Variants in DNA2 observed in about 807,000 individuals in gnomAD.
DNA2 encodes the protein DNA replication helicase/nuclease 2.
Under a neutral mutation model 119.1 loss-of-function variants are expected in DNA2, and 101 were observed. The observed-to-expected ratio is 0.85, with a 90% CI of 0.72 to 1.00. DNA2 has a LOEUF of 1.00. DNA2 is among the 50% of genes least tolerant of loss of function. The pLI is 0.00. For missense variants in DNA2, 1,121 were observed against 1,255.5 expected (o/e 0.89, Z 1.62); for synonymous variants, 366 against 424.4 (o/e 0.86, Z 1.69).
At position 68,414,858 on chromosome 10, in the gene DNA2, T is replaced by C. The variant is rs1265347856; in HGVS notation, c.*181A>G. 1 of 421,706 alleles carries C rather than the reference T, an allele frequency of 2.4e-6. No homozygotes were observed. The highest frequency in any genetic ancestry group is 4.3e-6 in the Non-Finnish European group (1 of 230,930). 26.1% of individuals were successfully genotyped at this position (421,706 alleles called of 1,614,324 possible). On this transcript the variant is annotated 3_prime_UTR_variant, in exon 21 of 21. Transcript: ENST00000358410. ...TGGTAAAAATTTATCAAACTCTTTC[T>C]CTAGGTTAGGCAAAAATGCATGCAT... is the stretch of plus-strand genomic sequence containing the variant.
intron 17 of DNA2, among the ~76,000 whole-genome samples, chr10:68,420,461 TG>T (rs1371618492): frequency 1.3e-5 from 2 of 152,148 alleles, no homozygotes; most frequent in African/African-American, 2.4e-5. Flanking sequence ...TGCTTGAATC[TG>T]GGAGTCGGAG....
chr10:68,460,484 T>C (rs909822216), intron 4 of DNA2, among the ~76,000 whole-genome samples: 1 of 151,754 alleles, frequency 6.6e-6, no homozygotes, highest in African/African-American at 2.4e-5. Flanking sequence ...CTCTACTCAC[T>C]GCAACGTTTG....
In DNA2 at chr10:68,471,940, G is replaced by A; in HGVS notation, c.-76C>T. 6.2e-7 allele frequency: 1 copy of A among 1,613,316 alleles called. No homozygotes were observed. Among genetic ancestry groups the A allele is most frequent in the Non-Finnish European group, 8.5e-7 (1 of 1,179,404 alleles). ...GGTAACACAGAAAGCTTAGAAAAGGGAAAAAGGCGCGAGCCTGCGCACCTC... is the reference window on the plus strand; with the variant it reads ...GGTAACACAGAAAGCTTAGAAAAGGAAAAAAGGCGCGAGCCTGCGCACCTC... On this transcript the variant is annotated 5_prime_UTR_variant, in exon 1 of 21. Transcript: ENST00000358410.
At chr10:68,460,990 G>A (rs1458673611) in intron 4 of DNA2, among the ~76,000 whole-genome samples, 1 of 151,878 alleles carries the variant, frequency 6.6e-6, no homozygotes, top group Non-Finnish European at 1.5e-5. Context: ...TCATACCATG[G>A]TCTAATTGGA....
chr10:68,442,836 G>T, intron 9 of DNA2, 81 bp downstream of exon 9: 1 of 1,162,260 alleles, frequency 8.6e-7, no homozygotes, highest in Non-Finnish European at 1.2e-6. Flanking sequence ...TTCATAACTT[G>T]TATTTGTCAT....
chr10:68,419,137 G>A lies in DNA2; in HGVS notation c.2864C>T (p.Ala955Val), dbSNP rs1417817363. 1 of 1,613,160 alleles carries A rather than the reference G, an allele frequency of 6.2e-7. No individual in the cohort carries two copies. The change falls in exon 19 of 21, where the codon GCA becomes GTA. Residue 955 changes from alanine (A) to valine (V), a missense_variant. By Grantham distance (64) the Ala-to-Val change is moderately conservative. Coordinates refer to ENST00000358410, the MANE Select transcript of DNA2 (RefSeq NM_001080449.3). ...QQLKIINDLLARSIGMVEVNT... is the reference protein window; with the variant it reads ...QQLKIINDLLVRSIGMVEVNT... ...AACTTCGACCATCCCAATAGAACGT[G>A]CCAATAAATCATTGATGATCTTTAA...
chr10:68,438,772 G>T lies in DNA2; in HGVS notation c.1416-1531C>A, dbSNP rs192602813. 1.2e-3 allele frequency among the ~76,000 whole-genome samples: 176 copies of T among 152,218 alleles called. 1 individual carries two copies. Among genetic ancestry groups the T allele is most frequent in the Non-Finnish European group, 1.9e-3 (130 of 68,010 alleles). On this transcript the variant is annotated intron_variant, in intron 9 of 20. Coordinates refer to ENST00000358410, the MANE Select transcript of DNA2 (RefSeq NM_001080449.3). ...TTCTGGGCCGGGCGCCGTGGCTCAT[G>T]CCTGTAATCCCAGCAATTTGGGAGG...
chr10:68,434,884 C>G (rs2051867771), intron 10 of DNA2, among the ~76,000 whole-genome samples: 1 of 152,166 alleles, frequency 6.6e-6, no homozygotes, highest in Non-Finnish European at 1.5e-5. Flanking sequence ...ATTTCCATTA[C>G]AGTTACTCAG....
At chr10:68,426,117 CAG>C (rs1201379427) in intron 14 of DNA2, among the ~76,000 whole-genome samples, 3 of 151,950 alleles carry the variant, frequency 2.0e-5, no homozygotes, top group Admixed American at 2.0e-4. Context: ...GCCTAGGTGA[CAG>C]AGGAAGATTC....
intron 8 of DNA2, among the ~76,000 whole-genome samples, chr10:68,443,994 A>G (rs956331763): frequency 2.0e-5 from 3 of 151,244 alleles, no homozygotes; most frequent in Non-Finnish European, 4.4e-5. Context: ...CAGTGGCTCA[A>G]GCCTATAATC....
intron 19 of DNA2, among the ~76,000 whole-genome samples, chr10:68,417,405 A>AAC (rs951949679): frequency 1.3e-5 from 2 of 151,002 alleles, no homozygotes; most frequent in East Asian, 1.9e-4. Context: ...AAAAAAAAAA[A>AAC]AAAAAAACAC....
chr10:68,466,024 T>C (rs961455953), intron 3 of DNA2, among the ~76,000 whole-genome samples: 5 of 152,096 alleles, frequency 3.3e-5, no homozygotes, highest in Non-Finnish European at 5.9e-5. Flanking sequence ...AGTTATCCTT[T>C]TTTTTTTCTT....
chr10:68,467,524 T>C (rs1180630007), intron 3 of DNA2, among the ~76,000 whole-genome samples: 3 of 152,324 alleles, frequency 2.0e-5, no homozygotes, highest in African/African-American at 7.2e-5. Flanking sequence ...ATCATCTCTT[T>C]GTATGTTTGA....
At position 68,416,754 on chromosome 10, in the gene DNA2, A is replaced by G. The variant is rs2051594104; in HGVS notation, c.3069T>C (p.Tyr1023=). 1 of 1,613,892 alleles carries G rather than the reference A, an allele frequency of 6.2e-7. No individual in the cohort carries two copies. Among genetic ancestry groups the G allele is most frequent in the Admixed American group, 1.7e-5 (1 of 60,012 alleles). The change falls in exon 20 of 21, where the codon TAT becomes TAC. Residue 1023 remains tyrosine, a synonymous_variant. Coordinates refer to ENST00000358410, the MANE Select transcript of DNA2 (RefSeq NM_001080449.3). ...GATTAAGCAGCTTCTCCAAAGGAGG[A>G]TAGCAATTTAGTGAGGGCACACACC... is the stretch of plus-strand genomic sequence containing the variant. ...LLGCVPSLNC[Y]PPLEKLLNHL...
At chr10:68,425,521 C>G (rs933575934) in intron 14 of DNA2, among the ~76,000 whole-genome samples, 3 of 151,866 alleles carry the variant, frequency 2.0e-5, no homozygotes, top group Admixed American at 2.0e-4. Flanking sequence ...CCTGCCTCAG[C>G]CTCCCAAGTA....
intron 5 of DNA2, among the ~76,000 whole-genome samples, chr10:68,456,862 C>T (rs545927160): frequency 4.6e-4 from 69 of 150,512 alleles, no homozygotes; most frequent in African/African-American, 1.4e-3. Flanking sequence ...GAGCCGGGCA[C>T]GGTGGCTCAC....
At chr10:68,438,153 C>T (rs974859275) in intron 9 of DNA2, among the ~76,000 whole-genome samples, 1 of 152,118 alleles carries the variant, frequency 6.6e-6, no homozygotes, top group Non-Finnish European at 1.5e-5. Flanking sequence ...GTAGATACCC[C>T]CACTTCTTGG....
chr10:68,458,883 A>G (rs1482835039), intron 5 of DNA2, among the ~76,000 whole-genome samples: 1 of 152,162 alleles, frequency 6.6e-6, no homozygotes, highest in Admixed American at 6.6e-5. Flanking sequence ...ATACATATCT[A>G]CATATAGAAA....
chr10:68,454,171 A>G (rs959541422), intron 5 of DNA2, among the ~76,000 whole-genome samples: 2 of 152,164 alleles, frequency 1.3e-5, no homozygotes, highest in African/African-American at 4.8e-5. Context: ...AAACCTCTTC[A>G]CTTTTATTAT....
Sources: gnomAD v4.1 joint callset for allele counts (sites outside exome capture counted in the v4.1 genomes callset) on GRCh38, gnomAD v4.1.1 for gene constraint, MANE v1.5 for transcripts, NCBI Gene and HGNC (gene_info 2026-07-23, HGNC 2026-07-21) for gene names.